The following MIER2 variants were observed in gnomAD, a reference collection of about 807,000 sequenced individuals.
MIER2 encodes the protein MIER family member 2.
MIER2 carries 30 observed loss-of-function variants against 67.6 expected under a neutral mutation model. The ratio of observed to expected loss-of-function variants is 0.44; its 90% CI spans 0.33 to 0.60. The LOEUF (loss-of-function observed/expected upper bound fraction) is 0.60, where lower values mean the gene tolerates loss of function less well. Ranked by LOEUF, MIER2 falls within the 20% of genes least tolerant of loss-of-function variation. The pLI, the probability that MIER2 is intolerant of heterozygous loss-of-function variation, is 0.02. For missense variants in MIER2, 702 were observed against 745.1 expected, an observed-to-expected ratio of 0.94 and a Z score of 0.67; for synonymous variants, 372 against 312.6, an observed-to-expected ratio of 1.19 and a Z score of -2.00.
chr19:318,620 C>A (rs143269355), intron 7 of MIER2, among the ~76,000 whole-genome samples: 2 of 152,294 alleles, frequency 1.3e-5, no homozygotes, highest in African/African-American at 4.8e-5. Context: ...TTCCACCCAA[C>A]AACAGCACAG....
At chr19:325,481 C>G (rs62103705) in intron 7 of MIER2, among the ~76,000 whole-genome samples, 154 bp downstream of exon 7, 8 of 151,994 alleles carry the variant, frequency 5.3e-5, no homozygotes. Context: ...ACTGCAGCCA[C>G]GAGAGCCTCC....
Position 313,554 on chromosome 19 carries a change from G to A in MIER2, c.745C>T (p.Arg249Cys), listed in dbSNP as rs199787729. The change falls in exon 8 of 14, where the codon CGT becomes TGT. Residue 249 changes from arginine (R) to cysteine (C), a missense_variant. Coordinates refer to ENST00000264819, the MANE Select transcript of MIER2 (RefSeq NM_017550.3). Reference protein sequence around the residue: ...EEFLYRAVKRRWHEMAGPQLP... With the variant: ...EEFLYRAVKRCWHEMAGPQLP... The stretch of plus-strand genomic sequence containing the variant: ...TGAGGCCCGGCCATCTCGTGCCAAC[G>A]CCGCTTCACCGCCCTGTACAGGAAC... 5.9e-5 allele frequency: 95 copies of A among 1,613,088 alleles called. No homozygotes were observed. The highest frequency in any genetic ancestry group is 1.5e-4 in the Admixed American group (9 of 59,990).
Position 307,399 on chromosome 19 carries a change from G to T in MIER2, c.1336C>A (p.Pro446Thr). 6.2e-7 allele frequency: 1 copy of T among 1,607,490 alleles called. No individual in the cohort carries two copies. Among genetic ancestry groups the T allele is most frequent in the Non-Finnish European group, 8.5e-7 (1 of 1,178,208 alleles). Residue 446 changes from proline to threonine, a missense_variant, in exon 13 of 14, where the codon CCC becomes ACC. By Grantham distance (38) the Pro-to-Thr change is conservative (BLOSUM62 -1). Around this residue, in one of 3 missense-constraint regions of MIER2, gnomAD observed 254 missense variants for 262.8 expected, o/e 0.97. Coordinates refer to ENST00000264819, the MANE Select transcript of MIER2 (RefSeq NM_017550.3). ...ESPAVPLSHR[P>T]PALADPASYQ... is the part of the protein sequence containing the mutation. ...GAGGCTGGGTCGGCCAGGGCTGGGG[G>T]CCGATGGGACAGGGGTACAGCGGGG...
At chr19:321,325 C>T (rs1170439860) in intron 7 of MIER2, among the ~76,000 whole-genome samples, 3 of 152,164 alleles carry the variant, frequency 2.0e-5, no homozygotes, top group South Asian at 2.1e-4. Context: ...TTTATTCCAC[C>T]GTGCACCGTT....
chr19:335,546 C>G lies in MIER2; in HGVS notation c.100+537G>C, dbSNP rs540240760. On this transcript the variant is annotated intron_variant, in intron 2 of 13. Coordinates refer to ENST00000264819, the MANE Select transcript of MIER2 (RefSeq NM_017550.3). Reference sequence around the variant, plus strand: ...TGATACGGAAAGAGACGCAGCCCTACACCTGGCAGAAGGAGCCCAGCCAGG... The same window carrying G: ...TGATACGGAAAGAGACGCAGCCCTAGACCTGGCAGAAGGAGCCCAGCCAGG... Among the ~76,000 whole-genome samples, 81 of 152,348 alleles carry G rather than the reference C, an allele frequency of 5.3e-4. 2 individuals carry two copies. In the South Asian group the frequency reaches 9.7e-3, roughly 18 times the overall value.
At chr19:311,757 C>A in intron 10 of MIER2, 88 bp downstream of exon 10, 1 of 1,284,138 alleles carries the variant, frequency 7.8e-7, no homozygotes, top group South Asian at 1.3e-5. Flanking sequence ...TCCAGGCCTC[C>A]AGTCGGCCGT....
chr19:344,598 G>A (rs2145589902), intron 1 of MIER2, 176 bp downstream of exon 1: 1 of 272,688 alleles, frequency 3.7e-6, no homozygotes, highest in Non-Finnish European at 5.5e-6. Context: ...GCCGGGGGCG[G>A]CCGCCGATGG....
chr19:310,647 G>GC (rs1970944736), intron 10 of MIER2, among the ~76,000 whole-genome samples: 1 of 143,240 alleles, frequency 7.0e-6, no homozygotes, highest in Admixed American at 7.1e-5. Context: ...ACAGCCCAGA[G>GC]TCCAGAAACA....
At chr19:344,738 G>C in intron 1 of MIER2, 36 bp downstream of exon 1, 2 of 1,154,632 alleles carry the variant, frequency 1.7e-6, no homozygotes, top group Non-Finnish European at 1.1e-6. Flanking sequence ...GGACGCGCGG[G>C]GGCGGGGGGC....
Position 306,651 on chromosome 19 carries a change from A to G in MIER2, c.*39T>C. 6.4e-7 allele frequency: 1 copy of G among 1,551,400 alleles called. No individual in the cohort carries two copies. The highest frequency in any genetic ancestry group is 8.7e-7 in the Non-Finnish European group (1 of 1,147,152). ...AGAGGCGGGCCCAGCGGCAGCGCTA[A>G]GTCCAGTCTGGGCCGCATACGCCGC... is the stretch of plus-strand genomic sequence containing the variant. On this transcript the variant is annotated 3_prime_UTR_variant, in exon 14 of 14. Transcript: ENST00000264819.
chr19:310,057 C>A (rs1233402808), intron 10 of MIER2, among the ~76,000 whole-genome samples: 3 of 149,954 alleles, frequency 2.0e-5, no homozygotes, highest in Non-Finnish European at 4.4e-5. Flanking sequence ...CACACGCACA[C>A]AAGGCTTCAG....
intron 7 of MIER2, among the ~76,000 whole-genome samples, chr19:322,838 C>A (rs1206132175): frequency 6.6e-6 from 1 of 152,200 alleles, no homozygotes; most frequent in African/African-American, 2.4e-5. Flanking sequence ...TCACAGCCCA[C>A]AGCTGAACCA....
chr19:340,937 A>G (rs1360834222), intron 1 of MIER2, among the ~76,000 whole-genome samples: 1 of 152,162 alleles, frequency 6.6e-6, no homozygotes, highest in African/African-American at 2.4e-5. Context: ...AGCAGCACAG[A>G]GTGCATGGCA....
chr19:310,975 C>G (rs2145357524), intron 10 of MIER2, among the ~76,000 whole-genome samples: 1 of 152,366 alleles, frequency 6.6e-6, no homozygotes, highest in African/African-American at 2.4e-5. Context: ...GTGCTGGAGT[C>G]TGACAAGGAC....
intron 1 of MIER2, chr19:344,094 G>A: frequency 5.1e-6 from 5 of 985,456 alleles, no homozygotes; most frequent in Non-Finnish European, 6.0e-6. Flanking sequence ...TTGTTTCCTG[G>A]ACGAGGGAGG....
At chr19:344,430 G>C in intron 1 of MIER2, 9 of 972,668 alleles carry the variant, frequency 9.3e-6, no homozygotes, top group Non-Finnish European at 1.1e-5. Context: ...ACCGGAGCCG[G>C]ACCCTGGAAC....
intron 10 of MIER2, among the ~76,000 whole-genome samples, chr19:310,422 C>A (rs1458048932): frequency 6.6e-6 from 1 of 152,196 alleles, no homozygotes; most frequent in East Asian, 1.9e-4. Context: ...CTGGCTCAGG[C>A]TGACCAACGT....
intron 7 of MIER2, among the ~76,000 whole-genome samples, chr19:321,071 A>G (rs1440241241): frequency 4.6e-5 from 7 of 152,224 alleles, no homozygotes; most frequent in Non-Finnish European, 1.0e-4. Flanking sequence ...AAGATCTGAG[A>G]GCCAAGACAG....
In MIER2 at chr19:308,178, C is replaced by A. The variant is rs1177791886; in HGVS notation, c.1198+399G>T. ...GAGGCCCTGCTGTGCTCCGTCATGG[C>A]CTCAGGTGCAAGATCCTGGCGACGG... On this transcript the variant is annotated intron_variant, in intron 12 of 13. Coordinates refer to ENST00000264819, the MANE Select transcript of MIER2 (RefSeq NM_017550.3). The surrounding 1 kb of genome is among the most constrained non-coding windows in gnomAD (Gnocchi z 9.1). 1.3e-5 allele frequency among the ~76,000 whole-genome samples: 2 copies of A among 152,192 alleles called. No homozygotes were observed. Among genetic ancestry groups the A allele is most frequent in the African/African-American group, 4.8e-5 (2 of 41,450 alleles).
Sources: allele counts gnomAD v4.1 joint callset (sites outside exome capture counted in the v4.1 genomes callset), GRCh38; gene constraint gnomAD v4.1.1; regional missense constraint gnomAD v4.1.1; non-coding constraint Gnocchi (gnomAD v3.1); transcripts MANE v1.5; gene names NCBI Gene and HGNC (gene_info 2026-07-23, HGNC 2026-07-21).